AASS: variants seen among roughly 807,000 people sequenced by gnomAD.
The protein encoded by AASS is alpha-aminoadipic semialdehyde synthase, mitochondrial.
AASS carries 86 observed loss-of-function variants against 105.4 expected under a neutral mutation model. The observed-to-expected ratio is 0.82, with a 90% CI of 0.69 to 0.98. The LOEUF is 0.98. Ranked by LOEUF, AASS falls within the 50% of genes least tolerant of loss-of-function variation. The pLI is 0.00. For missense variants in AASS, 1,048 were observed against 1,143.2 expected (o/e 0.92, Z 1.20); for synonymous variants, 381 against 394.8 (o/e 0.96, Z 0.41).
intron 6 of AASS, among the ~76,000 whole-genome samples, chr7:122,118,088 TACAC>T: frequency 6.6e-6 from 1 of 152,088 alleles, no homozygotes; most frequent in South Asian, 2.1e-4. Context: ...CACTTACACA[TACAC>T]ACACACATAT....
chr7:122,136,252 G>A (rs985730141), intron 1 of AASS, among the ~76,000 whole-genome samples: 3 of 152,128 alleles, frequency 2.0e-5, no homozygotes, highest in Non-Finnish European at 4.4e-5. Context: ...TTTCCTGGGG[G>A]CAAACAACTA....
intron 21 of AASS, 190 bp downstream of exon 21, chr7:122,079,407 A>C: frequency 7.8e-7 from 1 of 1,278,344 alleles, no homozygotes; most frequent in Non-Finnish European, 1.1e-6. Flanking sequence ...CTCAAATTCT[A>C]ATTGCCATTG....
At chr7:122,119,516 T>C (rs1795341005) in intron 4 of AASS, among the ~76,000 whole-genome samples, 1 of 152,170 alleles carries the variant, frequency 6.6e-6, no homozygotes, top group Admixed American at 6.6e-5. Context: ...TCTTTCCTTA[T>C]TCTTTTTAGG....
At position 122,101,374 on chromosome 7, in the gene AASS, C is replaced by T. The variant is rs766428545; in HGVS notation, c.1403G>A (p.Ser468Asn). 13 of 1,605,560 alleles carry T rather than the reference C, an allele frequency of 8.1e-6. No homozygotes were observed. Among genetic ancestry groups the T allele is most frequent in the Admixed American group, 5.0e-5 (3 of 59,766 alleles). The change falls in exon 13 of 24, where the codon AGC (serine) becomes AAC (asparagine). Residue 468 changes from serine (S) to asparagine (N), a missense_variant. Coordinates refer to ENST00000417368, the MANE Select transcript of AASS (RefSeq NM_005763.4). ...KYKYIQTLRE[S>N]RERAQSLSMG... ...AGAGGATTTGAACAATACTTACCTG[C>T]TCTCCCGGAGTGTCTGGATATATTT... is the stretch of plus-strand genomic sequence containing the variant.
At position 122,098,462 on chromosome 7, in the gene AASS, T is replaced by A; in HGVS notation, c.1643A>T (p.Asp548Val). 6.2e-7 allele frequency: 1 copy of A among 1,612,228 alleles called. No individual in the cohort carries two copies. Among genetic ancestry groups the A allele is most frequent in the South Asian group, 1.1e-5 (1 of 91,034 alleles). ...GCCAGATACTGACCTGATGACAAGA[T>A]CCTGTTTTGCCACCAAGAAGCCCAG... ...EKLGFLVAKQ[D>V]LVISLLPYVL... is the part of the protein sequence containing the mutation. Residue 548 changes from aspartate to valine, a missense_variant, in exon 15 of 24, where the codon GAT becomes GTT. By Grantham distance (152) the Asp-to-Val change is radical. Coordinates refer to ENST00000417368, the MANE Select transcript of AASS (RefSeq NM_005763.4).
chr7:122,081,516 G>A lies in AASS; in HGVS notation c.2264C>T (p.Ala755Val). 6.2e-7 allele frequency: 1 copy of A among 1,613,752 alleles called. No individual in the cohort carries two copies. The highest frequency in any genetic ancestry group is 8.5e-7 in the Non-Finnish European group (1 of 1,179,666). ...REALPAFRPE[A>V]NPLTWKQLLC... Reference sequence around the variant, plus strand: ...GTCACTCACCCAGGTGAGAGGGTTGGCCTCAGGTCTAAAGGCAGGAAGCGC... The same window carrying A: ...GTCACTCACCCAGGTGAGAGGGTTGACCTCAGGTCTAAAGGCAGGAAGCGC... The change falls in exon 20 of 24, where the codon GCC (alanine) becomes GTC (valine). Residue 755 changes from alanine to valine, a missense_variant. By Grantham distance (64) the Ala-to-Val change is moderately conservative. Coordinates refer to ENST00000417368, the MANE Select transcript of AASS (RefSeq NM_005763.4).
chr7:122,126,320 A>T, intron 4 of AASS, 55 bp downstream of exon 4: 12 of 1,491,858 alleles, frequency 8.0e-6, no homozygotes, highest in Non-Finnish European at 1.0e-5. Flanking sequence ...GAAAACTCAC[A>T]GTTATTCCCC....
chr7:122,101,495 A>G lies in AASS; in HGVS notation c.1339-57T>C, dbSNP rs544148603. 2.6e-5 allele frequency: 39 copies of G among 1,521,996 alleles called. No individual in the cohort carries two copies. In the South Asian group the frequency reaches 4.1e-4, roughly 16 times the overall value. The allele number at this position is 1,521,996 out of a possible 1,614,324, so 94.3% of individuals were successfully genotyped here. On this transcript the variant is annotated intron_variant, in intron 12 of 23. Coordinates refer to ENST00000417368, the MANE Select transcript of AASS (RefSeq NM_005763.4). ...GTATCCACATTTTAGTCCTACAAAC[A>G]AGGTGTCATGACTGATAGAGAAAAG... is the stretch of plus-strand genomic sequence containing the variant.
In AASS at chr7:122,118,399, G is replaced by A. The variant is rs377136248; in HGVS notation, c.595C>T (p.Arg199Cys). Residue 199 changes from arginine (R) to cysteine (C), a missense_variant, in exon 6 of 24, where the codon CGT (arginine) becomes TGT (cysteine). By Grantham distance (180) the Arg-to-Cys change is radical. Transcript: ENST00000417368. ...RNSSQAVQAVRDAGYEISLGL... is the reference protein window; with the variant it reads ...RNSSQAVQAVCDAGYEISLGL... ...AAAGATATTTCATAGCCAGCATCAC[G>A]GACAGCTTGCACAGCCTGACTGCTA... The A allele has an allele frequency of 9.9e-6, 16 of 1,613,974 alleles. No homozygotes were observed. The African/African-American group carries it at 1.2e-4, about 12-fold the overall frequency.
At chr7:122,089,292 C>A (rs1793783982) in intron 18 of AASS, among the ~76,000 whole-genome samples, 1 of 152,090 alleles carries the variant, frequency 6.6e-6, no homozygotes, top group African/African-American at 2.4e-5. Context: ...GTGTCTGATT[C>A]TTTGATTCAG....
chr7:122,115,275 A>G (rs1472429385), intron 8 of AASS, 53 bp from the exon 9 acceptor site: 1 of 1,591,482 alleles, frequency 6.3e-7, no homozygotes, highest in Non-Finnish European at 8.6e-7. Context: ...ATTTTAATAC[A>G]GTATACTGAA....
At chr7:122,143,555 G>T (rs1020723882) in intron 1 of AASS, among the ~76,000 whole-genome samples, 6 of 151,522 alleles carry the variant, frequency 4.0e-5, no homozygotes, top group East Asian at 3.9e-4. Flanking sequence ...CTTGCAAGGC[G>T]CCCAACTTCC....
chr7:122,117,956 G>C (rs1795264790), intron 6 of AASS, among the ~76,000 whole-genome samples: 1 of 151,920 alleles, frequency 6.6e-6, no homozygotes, highest in South Asian at 2.1e-4. Flanking sequence ...ATGTCTGGCT[G>C]AATTATCTCT....
intron 15 of AASS, among the ~76,000 whole-genome samples, chr7:122,094,803 C>T (rs1435419087): frequency 6.6e-6 from 1 of 151,890 alleles, no homozygotes; most frequent in African/African-American, 2.4e-5. Context: ...CCGATCAACA[C>T]CATGAAAGCC....
intron 20 of AASS, among the ~76,000 whole-genome samples, chr7:122,081,186 A>T (rs1334090404): frequency 1.3e-5 from 2 of 152,200 alleles, no homozygotes; most frequent in African/African-American, 4.8e-5. Context: ...GACTCCCATC[A>T]CTGGGTCACC....
intron 11 of AASS, among the ~76,000 whole-genome samples, chr7:122,109,733 T>C (rs1794841157): frequency 6.6e-6 from 1 of 150,416 alleles, no homozygotes; most frequent in South Asian, 2.1e-4. Context: ...AATGCTTCAT[T>C]ACATTGACCT....
At chr7:122,115,619 C>T (rs938882514) in intron 8 of AASS, among the ~76,000 whole-genome samples, 3 of 152,058 alleles carry the variant, frequency 2.0e-5, no homozygotes, top group African/African-American at 7.2e-5. Flanking sequence ...TTCTTACTTG[C>T]CAGATGGGGA....
In AASS at chr7:122,078,891, G is replaced by A. The variant is rs1793169597; in HGVS notation, c.2456C>T (p.Ser819Phe). ...GGAAAGCTTCATGACCAAATGCTTG[G>A]AGAGGGCATCCAGAATGGACTCTGC... Reference protein sequence around the residue: ...PQAESILDALSKHLVMKLSYG... With the variant: ...PQAESILDALFKHLVMKLSYG... The change falls in exon 22 of 24, where the codon TCC becomes TTC. Residue 819 changes from serine (S) to phenylalanine (F), a missense_variant. By Grantham distance (155) the Ser-to-Phe change is radical. Coordinates refer to ENST00000417368, the MANE Select transcript of AASS (RefSeq NM_005763.4). 3.1e-6 allele frequency: 5 copies of A among 1,614,046 alleles called. No individual in the cohort carries two copies. Among genetic ancestry groups the A allele is most frequent in the Non-Finnish European group, 4.2e-6 (5 of 1,179,998 alleles).
intron 19 of AASS, among the ~76,000 whole-genome samples, chr7:122,085,383 T>C (rs984878816): frequency 6.6e-6 from 1 of 152,138 alleles, no homozygotes; most frequent in African/African-American, 2.4e-5. Flanking sequence ...TAGTGGACAT[T>C]TGCATTAATG....
Sources: allele counts gnomAD v4.1 joint callset (sites outside exome capture counted in the v4.1 genomes callset), GRCh38; gene constraint gnomAD v4.1.1; transcripts MANE v1.5; gene names NCBI Gene and HGNC (gene_info 2026-07-23, HGNC 2026-07-21).